Variants in KIF5C observed in about 807,000 individuals in gnomAD.
The protein encoded by KIF5C is kinesin family member 5C.
Under a neutral mutation model 125.2 loss-of-function variants are expected in KIF5C, and 18 were observed. That is an observed-to-expected ratio of 0.14 (90% CI 0.10 to 0.21). The LOEUF is 0.21. Ranked by LOEUF, KIF5C falls within the 10% of genes least tolerant of loss-of-function variation. The pLI is 1.00. For missense variants in KIF5C, 780 were observed against 1,183.8 expected (o/e 0.66, Z 5.01); for synonymous variants, 405 against 434.0 (o/e 0.93, Z 0.83).
chr2:148,983,585 A>G, intron 14 of KIF5C, 35 bp from the exon 15 acceptor site: 1 of 1,522,716 alleles, frequency 6.6e-7, no homozygotes, highest in Non-Finnish European at 8.9e-7. Context: ...TTGATGGGCA[A>G]CCCTTTGAAT....
At chr2:148,971,741 C>T (rs1680917577) in intron 11 of KIF5C, among the ~76,000 whole-genome samples, 1 of 152,110 alleles carries the variant, frequency 6.6e-6, no homozygotes, top group Admixed American at 6.5e-5. Context: ...TTACTTAACA[C>T]GGAGGCCCCA....
chr2:148,885,874 T>C (rs1681506030), intron 1 of KIF5C: 1 of 152,218 alleles, frequency 6.6e-6, no homozygotes, highest in African/African-American at 2.4e-5. Context: ...CACAATTCTG[T>C]ATTGACACAT....
intron 7 of KIF5C, among the ~76,000 whole-genome samples, chr2:148,944,752 A>G (rs541560018): frequency 6.6e-6 from 1 of 152,262 alleles, no homozygotes; most frequent in East Asian, 1.9e-4. Flanking sequence ...TAGCAGCTGT[A>G]CCATTTTCTA....
At chr2:148,999,594 G>A (rs60705082) in intron 19 of KIF5C, among the ~76,000 whole-genome samples, 263 of 152,306 alleles carry the variant, frequency 1.7e-3, no homozygotes, top group African/African-American at 6.2e-3. Flanking sequence ...TTGCCATGTT[G>A]TGCTTTTCCC....
At chr2:148,960,883 C>T (rs973467053) in intron 10 of KIF5C, among the ~76,000 whole-genome samples, 14 of 152,234 alleles carry the variant, frequency 9.2e-5, no homozygotes, top group African/African-American at 3.4e-4. Flanking sequence ...TTTAATGAAG[C>T]TTTACCTTCT....
chr2:148,981,980 A>G (rs1025973737), intron 14 of KIF5C, among the ~76,000 whole-genome samples: 3 of 152,186 alleles, frequency 2.0e-5, no homozygotes, highest in African/African-American at 7.2e-5. Context: ...AGGATTAGTG[A>G]CAGTTTATGT....
chr2:148,978,362 T>TA (rs1681138091), intron 12 of KIF5C, among the ~76,000 whole-genome samples: 1 of 146,334 alleles, frequency 6.8e-6, no homozygotes. Context: ...TTTTTTTTTT[T>TA]AACTGTTAAG....
intron 9 of KIF5C, 150 bp from the exon 10 acceptor site, chr2:148,950,164 A>T: frequency 7.3e-7 from 1 of 1,378,550 alleles, no homozygotes; most frequent in Non-Finnish European, 9.6e-7. Flanking sequence ...AAGAATGGGC[A>T]TTCTAAACTT....
In KIF5C at chr2:149,000,502, G is replaced by A; in HGVS notation, c.2290G>A (p.Glu764Lys). ...NKLKIEDQER[E>K]MKLEKLLLLN... ...GCTGAAAATAGAGGACCAAGAGAGA[G>A]AAATGAAGCTGGAAAAGCTCTTGTG... The change falls in exon 20 of 26, where the codon GAA becomes AAA. Residue 764 changes from glutamate to lysine, a missense_variant. Glu to Lys is a moderately conservative substitution (Grantham distance 56, BLOSUM62 1). Transcript: ENST00000435030. 1 of 1,568,864 alleles carries A rather than the reference G, an allele frequency of 6.4e-7. No individual in the cohort carries two copies. The highest frequency in any genetic ancestry group is 1.8e-5 in the Admixed American group (1 of 56,254).
intron 17 of KIF5C, 23 bp from the exon 18 acceptor site, chr2:148,997,241 T>C (rs1558939450): frequency 1.2e-6 from 2 of 1,607,796 alleles, no homozygotes; most frequent in African/African-American, 1.3e-5. Flanking sequence ...AAGTCTTAAA[T>C]CATCATTTAA....
chr2:149,023,984 C>T lies in KIF5C; in HGVS notation c.*914C>T, dbSNP rs1164155491. On this transcript the variant is annotated 3_prime_UTR_variant, in exon 26 of 26. Transcript: ENST00000435030. ...TTGAGTGGGTATTGCTGAAGAAATC[C>T]AACATCATTCCAGCAGTTGAAAAAG... 6.6e-6 allele frequency: 1 copy of T among 152,156 alleles called. No homozygotes were observed. Among genetic ancestry groups the T allele is most frequent in the Non-Finnish European group, 1.5e-5 (1 of 68,032 alleles). The allele number at this position is 152,156 out of a possible 1,614,324, so 9.4% of individuals were successfully genotyped here. A position where few individuals can be genotyped will look rare whatever the true frequency, so the allele number is the denominator to read the frequency against.
At chr2:149,019,447 A>G (rs7577450) in intron 25 of KIF5C, among the ~76,000 whole-genome samples, 98,888 of 152,066 alleles carry the variant, frequency 0.65, 32,686 homozygotes, top group African/African-American at 0.73. Context: ...AGGTGCTGCT[A>G]TGGCAGAGGA....
At chr2:148,991,542 C>T (rs1681526680) in intron 16 of KIF5C, among the ~76,000 whole-genome samples, 1 of 151,970 alleles carries the variant, frequency 6.6e-6, no homozygotes, top group Non-Finnish European at 1.5e-5. Flanking sequence ...TACCATAGGT[C>T]CACTTTAATA....
At position 148,947,009 on chromosome 2, in the gene KIF5C, G is replaced by T; in HGVS notation, c.700G>T (p.Ala234Ser). ...TGGGAAACTTTATTTGGTTGATTTG[G>T]CTGGGAGCGAAAAGGTAATTTGTTC... The part of the protein sequence containing the change: ...LSGKLYLVDL[A>S]GSEKVSKTGA... The change falls in exon 8 of 26, where the codon GCT becomes TCT. Residue 234 changes from alanine to serine, a missense_variant. Ala to Ser is a moderately conservative substitution (Grantham distance 99). This residue lies in a region of KIF5C where 207 missense variants were observed against 441.2 expected (regional missense o/e 0.47). Transcript: ENST00000435030. 1 of 1,611,318 alleles carries T rather than the reference G, an allele frequency of 6.2e-7. No homozygotes were observed. Among genetic ancestry groups the T allele is most frequent in the Non-Finnish European group, 8.5e-7 (1 of 1,179,162 alleles).
At chr2:148,887,774 T>C (rs1681584837) in intron 1 of KIF5C, among the ~76,000 whole-genome samples, 2 of 151,946 alleles carry the variant, frequency 1.3e-5, no homozygotes, top group South Asian at 4.1e-4. Flanking sequence ...GCAGGGACCA[T>C]AGTACCCAGT....
At chr2:148,984,962 T>A (rs544384752) in intron 15 of KIF5C, among the ~76,000 whole-genome samples, 12 of 152,124 alleles carry the variant, frequency 7.9e-5, no homozygotes, top group Non-Finnish European at 1.2e-4. Context: ...TGCTAATTTT[T>A]TTATTATTAT....
intron 1 of KIF5C, chr2:148,886,004 A>C (rs1378408853): frequency 6.6e-6 from 1 of 152,206 alleles, no homozygotes; most frequent in Non-Finnish European, 1.5e-5. Flanking sequence ...TTTTCTCTGA[A>C]CAACCTGTCT....
At chr2:148,925,852 G>A (rs1681971674) in intron 2 of KIF5C, among the ~76,000 whole-genome samples, 1 of 152,240 alleles carries the variant, frequency 6.6e-6, no homozygotes, top group Admixed American at 6.5e-5. Flanking sequence ...GTGATGAGGT[G>A]CGTTTCCATT....
intron 19 of KIF5C, chr2:148,998,804 G>T (rs1450040124): frequency 2.3e-5 from 6 of 256,518 alleles, no homozygotes; most frequent in Non-Finnish European, 4.4e-5. Flanking sequence ...CCCAGTAGAT[G>T]GGGGGGAGCA....
Sources: allele counts gnomAD v4.1 joint callset (sites outside exome capture counted in the v4.1 genomes callset), GRCh38; gene constraint gnomAD v4.1.1; regional missense constraint gnomAD v4.1.1; transcripts MANE v1.5; gene names NCBI Gene and HGNC (gene_info 2026-07-23, HGNC 2026-07-21).